Variants in PRDM2 observed in about 807,000 individuals in gnomAD.
The protein encoded by PRDM2 is PR/SET domain 2.
Under a neutral mutation model 130.0 loss-of-function variants are expected in PRDM2, and 30 were observed. The observed-to-expected ratio is 0.23, with a 90% CI of 0.17 to 0.31. The LOEUF (loss-of-function observed/expected upper bound fraction) is 0.31, where lower values mean the gene tolerates loss of function less well. Ranked by LOEUF, PRDM2 falls within the 10% of genes least tolerant of loss-of-function variation. The pLI is 1.00. For missense variants in PRDM2, 2,011 were observed against 2,108.4 expected, an observed-to-expected ratio of 0.95 and a Z score of 0.90; for synonymous variants, 871 against 782.4, an observed-to-expected ratio of 1.11 and a Z score of -1.89.
At chr1:13,763,908 GATTA>G (rs368152559) in intron 6 of PRDM2, among the ~76,000 whole-genome samples, 9 of 152,198 alleles carry the variant, frequency 5.9e-5, no homozygotes, top group African/African-American at 1.9e-4. Flanking sequence ...AGCCTGATTT[GATTA>G]ATTAGTCATG....
chr1:13,767,281 A>T (rs1410223223), intron 6 of PRDM2, among the ~76,000 whole-genome samples: 4 of 150,080 alleles, frequency 2.7e-5, no homozygotes, highest in African/African-American at 4.9e-5. Flanking sequence ...TTTTTTTTTT[A>T]AACTATAAAT....
chr1:13,708,446 C>G (rs1164985481), intron 1 of PRDM2, among the ~76,000 whole-genome samples: 7 of 152,184 alleles, frequency 4.6e-5, no homozygotes, highest in Non-Finnish European at 1.0e-4. Context: ...GCTCCAAAGC[C>G]ACTGAGAACA....
intron 2 of PRDM2, chr1:13,722,799 A>G (rs1349888453): frequency 1.9e-6 from 1 of 514,480 alleles, no homozygotes; most frequent in Admixed American, 2.0e-5. Flanking sequence ...CTCTAAAGCC[A>G]GCAGACCAAT....
At chr1:13,753,226 A>G (rs1410890169) in intron 6 of PRDM2, among the ~76,000 whole-genome samples, 1 of 152,250 alleles carries the variant, frequency 6.6e-6, no homozygotes, top group Non-Finnish European at 1.5e-5. Context: ...AGAAGTTTTT[A>G]TACCTGAAAG....
chr1:13,714,338 CTT>C (rs550641481), intron 1 of PRDM2, among the ~76,000 whole-genome samples: 2 of 138,150 alleles, frequency 1.4e-5, no homozygotes, highest in Admixed American at 7.2e-5. Context: ...AATTCTCTGG[CTT>C]TTTTTTTTTT....
At chr1:13,712,392 G>C (rs1359934226) in intron 1 of PRDM2, among the ~76,000 whole-genome samples, 1 of 152,198 alleles carries the variant, frequency 6.6e-6, no homozygotes, top group Non-Finnish European at 1.5e-5. Flanking sequence ...GTTAAATAAA[G>C]AGGGAAAACA....
chr1:13,796,007 G>A (rs1644917346), intron 8 of PRDM2, among the ~76,000 whole-genome samples: 1 of 152,138 alleles, frequency 6.6e-6, no homozygotes, highest in African/African-American at 2.4e-5. Flanking sequence ...AGGAAGGCGA[G>A]TGGTTCTGGA....
intron 1 of PRDM2, among the ~76,000 whole-genome samples, chr1:13,703,759 A>G (rs1642132067): frequency 6.6e-6 from 1 of 152,276 alleles, no homozygotes; most frequent in South Asian, 2.1e-4. Flanking sequence ...TGAACAGCGC[A>G]GAAACAACTG....
chr1:13,751,568 T>C (rs181449445), intron 6 of PRDM2, among the ~76,000 whole-genome samples: 13 of 152,048 alleles, frequency 8.5e-5, no homozygotes, highest in Non-Finnish European at 1.6e-4. Flanking sequence ...TTAGGTCTTA[T>C]GTGTGACCTC....
rs187821037 is a variant in PRDM2 at position 13,780,826 on chromosome 1, C to T, written c.3031C>T (p.Leu1011Phe). The T allele has an allele frequency of 6.2e-7, 1 of 1,603,716 alleles. No individual in the cohort carries two copies. The change falls in exon 8 of 10, where the codon CTC becomes TTC. Residue 1011 changes from leucine (L) to phenylalanine (F), a missense_variant. By Grantham distance (22) the Leu-to-Phe change is conservative. This residue lies in a region of PRDM2 where 1,288 missense variants were observed against 1,237.7 expected (regional missense o/e 1.04). Transcript: ENST00000311066. ...ATCTCCACACCCATGCCCCTCTCCA[C>T]TCTCAAATGCCACCGCACAGTCCCC... Reference protein sequence around the residue: ...SASPHPCPSPLSNATAQSPLP... With the variant: ...SASPHPCPSPFSNATAQSPLP...
chr1:13,736,860 A>C (rs1200223835), intron 4 of PRDM2, among the ~76,000 whole-genome samples: 1 of 152,206 alleles, frequency 6.6e-6, no homozygotes, highest in Non-Finnish European at 1.5e-5. Context: ...TTATTCATTC[A>C]GGCAACAAAT....
At chr1:13,720,661 T>C (rs1337534790) in intron 2 of PRDM2, among the ~76,000 whole-genome samples, 1 of 152,258 alleles carries the variant, frequency 6.6e-6, no homozygotes, top group Non-Finnish European at 1.5e-5. Context: ...TTCATATATG[T>C]CAGGCACTAG....
intron 6 of PRDM2, among the ~76,000 whole-genome samples, chr1:13,762,760 G>A (rs1048008055): frequency 1.1e-4 from 17 of 152,208 alleles, no homozygotes; most frequent in African/African-American, 3.1e-4. Flanking sequence ...GGTCCACAGC[G>A]CGCGCTCCTC....
intron 5 of PRDM2, among the ~76,000 whole-genome samples, 158 bp from the exon 6 acceptor site, chr1:13,749,203 A>T (rs767594817): frequency 7.3e-5 from 11 of 150,540 alleles, no homozygotes; most frequent in Non-Finnish European, 1.6e-4. Context: ...CGCGGCCCGC[A>T]CGGGGCCGGG....
At chr1:13,768,865 G>T (rs978096495) in intron 6 of PRDM2, among the ~76,000 whole-genome samples, 1 of 152,206 alleles carries the variant, frequency 6.6e-6, no homozygotes, top group African/African-American at 2.4e-5. Flanking sequence ...AGGGCGCACA[G>T]TACAGGCCCA....
chr1:13,794,015 A>G (rs1644883571), intron 8 of PRDM2, among the ~76,000 whole-genome samples: 1 of 152,146 alleles, frequency 6.6e-6, no homozygotes, highest in Admixed American at 6.5e-5. Flanking sequence ...ATGCAAGTTG[A>G]GACAGAGCTT....
intron 7 of PRDM2, among the ~76,000 whole-genome samples, chr1:13,777,644 C>T (rs1303732757): frequency 1.3e-5 from 1 of 75,466 alleles, no homozygotes; most frequent in African/African-American, 4.6e-5. Flanking sequence ...CACCCCCCCC[C>T]CCAATATTTG....
intron 8 of PRDM2, among the ~76,000 whole-genome samples, chr1:13,785,475 C>T (rs1644714918): frequency 6.6e-6 from 1 of 152,178 alleles, no homozygotes; most frequent in South Asian, 2.1e-4. Context: ...TACATGCTTG[C>T]AATCAGCCAT....
At chr1:13,817,281 G>T (rs932961660) in intron 9 of PRDM2, among the ~76,000 whole-genome samples, 10 of 152,124 alleles carry the variant, frequency 6.6e-5, no homozygotes, top group Non-Finnish European at 4.4e-5. Flanking sequence ...AAAAAATTTC[G>T]GGTCTCAAGC....
Sources: allele counts gnomAD v4.1 joint callset (sites outside exome capture counted in the v4.1 genomes callset), GRCh38; gene constraint gnomAD v4.1.1; regional missense constraint gnomAD v4.1.1; transcripts MANE v1.5; gene names NCBI Gene and HGNC (gene_info 2026-07-23, HGNC 2026-07-21).